The following COL24A1 variants were observed in gnomAD, a reference collection of about 807,000 sequenced individuals.
COL24A1 encodes the protein collagen alpha-1(XXIV) chain.
A neutral mutation model predicts 253.9 loss-of-function variants in COL24A1; 224 were observed. The ratio of observed to expected loss-of-function variants is 0.88; its 90% confidence interval spans 0.79 to 0.99. The LOEUF is 0.99. COL24A1 is among the 50% of genes least tolerant of loss of function. COL24A1 has a pLI of 0.00. For missense variants in COL24A1, 2,131 were observed against 2,068.5 expected, an observed-to-expected ratio of 1.03 and a Z score of -0.59; for synonymous variants, 685 against 673.7, an observed-to-expected ratio of 1.02 and a Z score of -0.26.
chr1:86,097,475 T>TCCCTCCTCCTCCG (rs1704009138), intron 5 of COL24A1, among the ~76,000 whole-genome samples: 1 of 38,348 alleles, frequency 2.6e-5, no homozygotes, highest in African/African-American at 9.0e-5. Flanking sequence ...CTCCTCCTCC[T>TCCCTCCTCCTCCG]CCCTCCTCCT....
intron 20 of COL24A1, 90 bp from the exon 21 acceptor site, chr1:85,971,483 C>G: frequency 9.4e-7 from 1 of 1,066,100 alleles, no homozygotes; most frequent in South Asian, 1.5e-5. Flanking sequence ...GGACAATACT[C>G]TTTGAAACCA....
chr1:86,085,772 G>T (rs573852288), intron 7 of COL24A1, among the ~76,000 whole-genome samples: 3 of 152,138 alleles, frequency 2.0e-5, no homozygotes, highest in Non-Finnish European at 4.4e-5. Context: ...CATGAAGGTA[G>T]CTAAGTTAAG....
chr1:85,854,722 T>G (rs2102376937), intron 37 of COL24A1, among the ~76,000 whole-genome samples: 1 of 152,080 alleles, frequency 6.6e-6, no homozygotes, highest in East Asian at 1.9e-4. Flanking sequence ...TTTTTTTTTT[T>G]TGAGATAAAG....
intron 47 of COL24A1, among the ~76,000 whole-genome samples, chr1:85,809,711 C>T (rs996557331): frequency 1.1e-4 from 17 of 150,706 alleles, no homozygotes; most frequent in South Asian, 2.1e-4. Flanking sequence ...TTCTTAGTAA[C>T]CTGTAAGGTT....
chr1:86,035,399 A>G (rs1025444515), intron 12 of COL24A1, among the ~76,000 whole-genome samples: 1 of 152,174 alleles, frequency 6.6e-6, no homozygotes, highest in Non-Finnish European at 1.5e-5. Context: ...AGTCTGAAAC[A>G]TAAGAGATGA....
intron 32 of COL24A1, among the ~76,000 whole-genome samples, chr1:85,882,328 G>C (rs373161407): frequency 8.9e-4 from 135 of 152,288 alleles, no homozygotes; most frequent in Non-Finnish European, 1.7e-3. Flanking sequence ...GCCGGGCATG[G>C]TGGCGGGCGC....
At chr1:85,963,640 T>A (rs549454643) in intron 23 of COL24A1, among the ~76,000 whole-genome samples, 6 of 152,184 alleles carry the variant, frequency 3.9e-5, no homozygotes, top group South Asian at 4.2e-4. Context: ...CAGTGCCAGG[T>A]CCGAGTTAAT....
At chr1:86,033,278 A>T (rs1698732407) in intron 13 of COL24A1, among the ~76,000 whole-genome samples, 1 of 152,202 alleles carries the variant, frequency 6.6e-6, no homozygotes, top group Non-Finnish European at 1.5e-5. Context: ...TTAAAATCTT[A>T]TGAAAAGAAT....
At chr1:85,890,412 C>CTTTT (rs35384514) in intron 31 of COL24A1, among the ~76,000 whole-genome samples, 3 of 147,320 alleles carry the variant, frequency 2.0e-5, no homozygotes, top group South Asian at 2.1e-4. Flanking sequence ...CACAAATTTT[C>CTTTT]TTTTTTTTTT....
chr1:85,736,488 T>A (rs1557931201), intron 58 of COL24A1: 1 of 456,224 alleles, frequency 2.2e-6, no homozygotes, highest in Non-Finnish European at 4.4e-6. Flanking sequence ...TGCTCTTTAT[T>A]AGAGGTTCAT....
At chr1:85,899,718 G>A (rs1684087641) in intron 28 of COL24A1, among the ~76,000 whole-genome samples, 1 of 152,124 alleles carries the variant, frequency 6.6e-6, no homozygotes, top group African/African-American at 2.4e-5. Context: ...AGATTAAGTG[G>A]CTGCCTAGAT....
chr1:85,893,669 T>C (rs1195679779), intron 31 of COL24A1, among the ~76,000 whole-genome samples: 1 of 152,170 alleles, frequency 6.6e-6, no homozygotes, highest in Non-Finnish European at 1.5e-5. Flanking sequence ...AAATATACTT[T>C]TACTAGTTAT....
In COL24A1 at chr1:86,022,245, G is replaced by T. The variant is rs1697610018; in HGVS notation, c.2251C>A (p.Pro751Thr). ...AAGCAAAAGTTCAAACCTACTGAAG[G>T]CCCTGACTTTCCTCTCATCCCTGGT... is the stretch of plus-strand genomic sequence containing the variant. ...GPPGMRGKSG[P>T]SGQTGDPGLQ... Residue 751 changes from proline to threonine, a missense_variant, in exon 18 of 60, where the codon CCT becomes ACT. Transcript: ENST00000370571. 6.2e-7 allele frequency: 1 copy of T among 1,612,630 alleles called. No homozygotes were observed. The highest frequency in any genetic ancestry group is 1.3e-5 in the African/African-American group (1 of 74,860).
chr1:86,072,762 T>C (rs912426335), intron 7 of COL24A1, among the ~76,000 whole-genome samples: 3 of 152,148 alleles, frequency 2.0e-5, no homozygotes, highest in Non-Finnish European at 4.4e-5. Flanking sequence ...TGGGTGCCCC[T>C]CTGGGACAAA....
chr1:86,089,129 A>G (rs764811345), intron 7 of COL24A1, 45 bp downstream of exon 7: 20 of 1,328,842 alleles, frequency 1.5e-5, no homozygotes, highest in South Asian at 2.7e-5. Flanking sequence ...GACAAAAAAA[A>G]GAAAAAAAGA....
intron 7 of COL24A1, among the ~76,000 whole-genome samples, chr1:86,066,490 C>T (rs1158622786): frequency 6.6e-6 from 1 of 151,722 alleles, no homozygotes; most frequent in Non-Finnish European, 1.5e-5. Flanking sequence ...GTGATCTGCC[C>T]GCCTCGGCCT....
chr1:86,146,007 G>T, intron 2 of COL24A1, 112 bp downstream of exon 2: 1 of 861,628 alleles, frequency 1.2e-6, no homozygotes, highest in Non-Finnish European at 1.8e-6. Flanking sequence ...TGGAATTTTT[G>T]TTATTGTTTA....
chr1:85,733,112 A>G (rs974230043), intron 59 of COL24A1, among the ~76,000 whole-genome samples: 16 of 152,324 alleles, frequency 1.1e-4, no homozygotes, highest in Admixed American at 9.2e-4. Context: ...AGATAATAAA[A>G]TATATATACT....
chr1:85,735,310 C>T (rs1267241971), intron 58 of COL24A1, among the ~76,000 whole-genome samples: 2 of 152,130 alleles, frequency 1.3e-5, no homozygotes. Context: ...CTCCAGCATA[C>T]CATCAGGCTA....
Sources: allele counts gnomAD v4.1 joint callset (sites outside exome capture counted in the v4.1 genomes callset), GRCh38; gene constraint gnomAD v4.1.1; transcripts MANE v1.5; gene names NCBI Gene and HGNC (gene_info 2026-07-23, HGNC 2026-07-21).